The following LITAF variants were observed in gnomAD, a reference collection of about 807,000 sequenced individuals.
The protein encoded by LITAF is lipopolysaccharide-induced tumor necrosis factor-alpha factor.
A neutral mutation model predicts 14.5 loss-of-function variants in LITAF; 9 were observed. That is an observed-to-expected ratio of 0.62 (90% CI 0.37 to 1.08). The LOEUF is 1.08. Among genes scored for constraint, LITAF ranks in the 50% least tolerant of loss-of-function variants. LITAF has a pLI of 0.01. For synonymous variants in LITAF, 98 were observed against 88.2 expected (o/e 1.11, Z -0.62); for missense variants, 206 against 213.4 (o/e 0.97, Z 0.22).
chr16:11,565,727 G>A (rs958616111), intron 1 of LITAF, among the ~76,000 whole-genome samples: 3 of 151,990 alleles, frequency 2.0e-5, no homozygotes, highest in Non-Finnish European at 2.9e-5. Flanking sequence ...GGCGTCTCCC[G>A]CCACACCTGC....
chr16:11,578,702 G>T (rs540380955), intron 1 of LITAF, among the ~76,000 whole-genome samples: 14 of 152,286 alleles, frequency 9.2e-5, no homozygotes, highest in African/African-American at 2.4e-4. Context: ...GGATGAGAAG[G>T]ACACTTCACC....
At chr16:11,608,589 A>G (rs981600638) in intron 3 of LITAF, among the ~76,000 whole-genome samples, 1 of 152,240 alleles carries the variant, frequency 6.6e-6, no homozygotes, top group Non-Finnish European at 1.5e-5. Context: ...TCAGCCATGG[A>G]AAAGAATAAA....
At chr16:11,584,437 C>A (rs2064780103) in intron 1 of LITAF, 1 of 152,200 alleles carries the variant, frequency 6.6e-6, no homozygotes, top group Non-Finnish European at 1.5e-5. Flanking sequence ...GCAAAATATG[C>A]ACTGTTTATT....
At chr16:11,583,950 G>T (rs534522758) in intron 1 of LITAF, among the ~76,000 whole-genome samples, 1 of 152,170 alleles carries the variant, frequency 6.6e-6, no homozygotes, top group East Asian at 1.9e-4. Context: ...CTGCAGCCAA[G>T]GGACAACTTC....
rs116160786 is a variant in LITAF, at chr16:11,555,591, C to A, written c.220+920G>T. ...GGAGGATCACTTGAGCCCAGGAGGT[C>A]CAGGCTATAGCGAGCCATGACTGCA... On this transcript the variant is annotated intron_variant, in intron 2 of 3. Transcript: ENST00000622633. Among the ~76,000 whole-genome samples, 1,024 of 151,484 alleles carry A rather than the reference C, an allele frequency of 6.8e-3. 6 individuals carry two copies. Among genetic ancestry groups the A allele is most frequent in the African/African-American group, 0.024 (988 of 41,290 alleles).
rs1178141696 is a variant in LITAF, at chr16:11,586,414, A to G, written c.-6+472T>C. The G allele has an allele frequency of 6.6e-6, 1 of 152,170 alleles. No homozygotes were observed. Among genetic ancestry groups the G allele is most frequent in the Non-Finnish European group, 1.5e-5 (1 of 68,034 alleles). 9.4% of individuals were successfully genotyped at this position (152,170 alleles called of 1,614,324 possible). Reference sequence around the variant, plus strand: ...CCTAGAAGTCAAATGTTTGGCAAATAGCATTTGGGAATTCGTTGGGGTTTT... The same window carrying G: ...CCTAGAAGTCAAATGTTTGGCAAATGGCATTTGGGAATTCGTTGGGGTTTT... On this transcript the variant is annotated intron_variant, in intron 1 of 3. Coordinates refer to ENST00000622633, the MANE Select transcript of LITAF (RefSeq NM_001136472.2). This position sits in a 1 kb window ranked among gnomAD's most constrained non-coding sequence, Gnocchi z 6.5.
chr16:11,599,653 G>A (rs866086887), upstream of LITAF, among the ~76,000 whole-genome samples: 15 of 152,036 alleles, frequency 9.9e-5, no homozygotes, highest in Non-Finnish European at 1.6e-4. Flanking sequence ...CCAGAGAGGC[G>A]GCAGAGCCCT....
chr16:11,591,638 GAGAA>G (rs1417139675), upstream of LITAF, among the ~76,000 whole-genome samples: 2 of 152,136 alleles, frequency 1.3e-5, no homozygotes, highest in Non-Finnish European at 2.9e-5. Flanking sequence ...CCATTCAATG[GAGAA>G]AGAGTCTTTT....
intron 3 of LITAF, among the ~76,000 whole-genome samples, chr16:11,613,512 C>G (rs544953052): frequency 6.6e-6 from 1 of 152,290 alleles, no homozygotes; most frequent in Non-Finnish European, 1.5e-5. Flanking sequence ...TCGAAGACAT[C>G]GGTGATTCAC....
intron 1 of LITAF, among the ~76,000 whole-genome samples, chr16:11,583,446 T>C (rs1018345091): frequency 1.1e-4 from 17 of 152,274 alleles, no homozygotes; most frequent in Non-Finnish European, 2.1e-4. Context: ...AAGGAGATCA[T>C]TAATAAGACT....
At chr16:11,618,619 T>C (rs1015520588) in intron 3 of LITAF, among the ~76,000 whole-genome samples, 3 of 152,140 alleles carry the variant, frequency 2.0e-5, no homozygotes, top group Non-Finnish European at 4.4e-5. Flanking sequence ...CACTGGCCAT[T>C]GTCCCCGCCT....
intron 1 of LITAF, among the ~76,000 whole-genome samples, chr16:11,582,974 T>C (rs986469901): frequency 2.0e-5 from 3 of 152,204 alleles, no homozygotes; most frequent in Non-Finnish European, 4.4e-5. Context: ...CTATCATTCC[T>C]GAAAATGTTC....
At chr16:11,628,814 T>C (rs965532060) in intron 3 of LITAF, among the ~76,000 whole-genome samples, 1 of 152,124 alleles carries the variant, frequency 6.6e-6, no homozygotes, top group Non-Finnish European at 1.5e-5. Flanking sequence ...GTAGCTGGGA[T>C]TTCAGGCGCA....
chr16:11,623,433 G>A (rs1321153584), intron 3 of LITAF, among the ~76,000 whole-genome samples: 1 of 151,166 alleles, frequency 6.6e-6, no homozygotes, highest in Admixed American at 6.6e-5. Context: ...AGGCCGAGGC[G>A]GACAGATTAC....
At chr16:11,616,661 C>G (rs1193394833) in intron 3 of LITAF, among the ~76,000 whole-genome samples, 2 of 152,048 alleles carry the variant, frequency 1.3e-5, no homozygotes, top group African/African-American at 4.8e-5. Context: ...TACCCTCTGG[C>G]CTTTGAACAC....
chr16:11,621,819 G>A (rs1360094021), intron 3 of LITAF, among the ~76,000 whole-genome samples: 1 of 151,988 alleles, frequency 6.6e-6, no homozygotes, highest in Non-Finnish European at 1.5e-5. Context: ...TAAACCACTG[G>A]CACCCAGATC....
rs935454144 is a variant in LITAF at position 11,586,561 on chromosome 16, G to C, written c.-6+325C>G. On this transcript the variant is annotated intron_variant, in intron 1 of 3. Transcript: ENST00000622633. This position sits in a 1 kb window ranked among gnomAD's most constrained non-coding sequence, Gnocchi z 6.5. ...CCAGGGGCCGTCCTCTCCGGGGAGG[G>C]GGACGCGGCGGGCCGCGAAGGGCGC... Among the ~76,000 whole-genome samples the C allele has an allele frequency of 6.6e-6, 1 of 152,094 alleles. No individual in the cohort carries two copies. Among genetic ancestry groups the C allele is most frequent in the Admixed American group, 6.5e-5 (1 of 15,294 alleles).
chr16:11,619,038 C>G (rs1364236611), intron 3 of LITAF, among the ~76,000 whole-genome samples: 2 of 149,104 alleles, frequency 1.3e-5, no homozygotes, highest in African/African-American at 5.0e-5. Context: ...TGCCCGGGCA[C>G]GGTGGCTTAC....
chr16:11,554,907 T>C (rs748829326), intron 2 of LITAF, among the ~76,000 whole-genome samples: 3 of 152,114 alleles, frequency 2.0e-5, no homozygotes, highest in Non-Finnish European at 4.4e-5. Flanking sequence ...TACGTTAGAA[T>C]GTCATTTATA....
Sources: allele counts gnomAD v4.1 joint callset (sites outside exome capture counted in the v4.1 genomes callset), GRCh38; gene constraint gnomAD v4.1.1; non-coding constraint Gnocchi (gnomAD v3.1); transcripts MANE v1.5; gene names NCBI Gene and HGNC (gene_info 2026-07-23, HGNC 2026-07-21).